ZNF559: variants seen among roughly 807,000 people sequenced by gnomAD.
The protein encoded by ZNF559 is zinc finger protein 559.
ZNF559 carries 17 observed loss-of-function variants against 14.2 expected under a neutral mutation model. The ratio of observed to expected loss-of-function variants is 1.20; its 90% CI spans 0.82 to 1.80. ZNF559 has a LOEUF of 1.80. Among genes scored for constraint, ZNF559 ranks in the 40% most tolerant of loss-of-function variants. The probability of loss-of-function intolerance (pLI) is 0.00; values close to 1 mark genes in which losing one functional copy is unlikely to be tolerated. For synonymous variants in ZNF559, 244 were observed against 212.4 expected (o/e 1.15, Z -1.29); for missense variants, 740 against 629.7 (o/e 1.18, Z -1.88).
rs962400288 is a variant in ZNF559, at chr19:9,343,970, G to A, written c.*902G>A. ...TCTTTAAAACAATTTTAGGCTGGGT[G>A]CAGTGGCTCATTCCTGTAATCCCAG... On this transcript the variant is annotated 3_prime_UTR_variant, in exon 7 of 7. Transcript: ENST00000603380. The A allele has an allele frequency of 1.3e-4, 33 of 260,394 alleles. No homozygotes were observed. The highest frequency in any genetic ancestry group is 1.7e-4 in the Non-Finnish European group (29 of 167,328). The allele number at this position is 260,394 out of a possible 1,614,324, so 16.1% of individuals were successfully genotyped here.
At chr19:9,330,413 TC>T (rs1427007591) in intron 2 of ZNF559, among the ~76,000 whole-genome samples, 1 of 152,184 alleles carries the variant, frequency 6.6e-6, no homozygotes, top group Non-Finnish European at 1.5e-5. Context: ...TCTACTCATT[TC>T]TCTCTCTGCT....
At chr19:9,330,349 G>A (rs899440138) in intron 2 of ZNF559, among the ~76,000 whole-genome samples, 1 of 152,096 alleles carries the variant, frequency 6.6e-6, no homozygotes. Flanking sequence ...ATGAATATGG[G>A]TGCCTCTGTC....
chr19:9,324,095 G>A, upstream of ZNF559: 1 of 1,477,572 alleles, frequency 6.8e-7, no homozygotes. Flanking sequence ...AAAAGCCGCA[G>A]CAGCTGATGG....
chr19:9,342,232 A>G lies in ZNF559; in HGVS notation c.781A>G (p.Arg261Gly). 6.3e-7 allele frequency: 1 copy of G among 1,587,310 alleles called. No individual in the cohort carries two copies. The highest frequency in any genetic ancestry group is 1.4e-5 in the African/African-American group (1 of 73,444). Reference protein sequence around the residue: ...TESSYLTQHLRTHSRVLPIEH... With the variant: ...TESSYLTQHLGTHSRVLPIEH... ...GTCGTCATATCTTACTCAACATTTA[A>G]GAACTCATAGTAGAGTGTTACCTAT... Residue 261 changes from arginine to glycine, a missense_variant, in exon 7 of 7, where the codon AGA (arginine) becomes GGA (glycine). Coordinates refer to ENST00000603380, the MANE Select transcript of ZNF559 (RefSeq NM_032497.3).
chr19:9,328,142 T>C (rs1258546704), intron 2 of ZNF559, among the ~76,000 whole-genome samples: 1 of 152,164 alleles, frequency 6.6e-6, no homozygotes, highest in Non-Finnish European at 1.5e-5. Flanking sequence ...AATAAAGACC[T>C]TGACTCCTAA....
intron 1 of ZNF559, 150 bp downstream of exon 1, chr19:9,324,378 G>C: frequency 6.7e-7 from 1 of 1,490,390 alleles, no homozygotes; most frequent in Non-Finnish European, 8.9e-7. Flanking sequence ...CCCAAGTCGC[G>C]GCCCCTCCTC....
chr19:9,324,656 A>AG, intron 1 of ZNF559, 39 bp from the exon 2 acceptor site: 50 of 1,415,954 alleles, frequency 3.5e-5, no homozygotes, highest in Non-Finnish European at 4.2e-5. Flanking sequence ...AAAAAAAAAA[A>AG]AAGTCTCCAC....
chr19:9,339,197 C>G lies in ZNF559; in HGVS notation c.38C>G (p.Ser13Ter), dbSNP rs1257577633. 4 of 1,613,692 alleles carry G rather than the reference C, an allele frequency of 2.5e-6. No individual in the cohort carries two copies. The highest frequency in any genetic ancestry group is 8.5e-7 in the Non-Finnish European group (1 of 1,179,830). ...AGCATGTGTGTGATGGTTTAGGACTCAGTGACCTTTGAGGATGTGGCTGTG... is the reference window on the plus strand; with the variant it reads ...AGCATGTGTGTGATGGTTTAGGACTGAGTGACCTTTGAGGATGTGGCTGTG... ...AGWLTNYSQD[S>*]VTFEDVAVDF... Residue 13 changes from serine (S) to a stop codon, truncating the protein, a stop_gained, in exon 5 of 7, where the codon TCA becomes TGA. Coordinates refer to ENST00000603380, the MANE Select transcript of ZNF559 (RefSeq NM_032497.3). LOFTEE classifies it high-confidence loss of function.
chr19:9,332,820 T>C (rs763339182), intron 2 of ZNF559, among the ~76,000 whole-genome samples: 17 of 152,224 alleles, frequency 1.1e-4, no homozygotes, highest in Non-Finnish European at 2.4e-4. Flanking sequence ...GCAAAGCTTA[T>C]TATTTAGGTG....
At chr19:9,325,450 G>GA (rs1405464471) in intron 2 of ZNF559, among the ~76,000 whole-genome samples, 9 of 146,942 alleles carry the variant, frequency 6.1e-5, no homozygotes, top group African/African-American at 1.3e-4. Flanking sequence ...TCAAAAAGAA[G>GA]AAAAAAAAAC....
At chr19:9,328,348 C>CTTTTTTT (rs904074002) in intron 2 of ZNF559, among the ~76,000 whole-genome samples, 73 of 60,976 alleles carry the variant, frequency 1.2e-3, no homozygotes, top group Non-Finnish European at 1.3e-3. Context: ...GCTTGTTTGT[C>CTTTTTTT]TTTTTTTTTT....
Position 9,343,032 on chromosome 19 carries a change from C to G in ZNF559, c.1581C>G (p.Thr527=), listed in dbSNP as rs972163813. The G allele has an allele frequency of 1.2e-5, 20 of 1,613,424 alleles. No individual in the cohort carries two copies. Among genetic ancestry groups the G allele is most frequent in the Admixed American group, 3.3e-5 (2 of 59,964 alleles). Residue 527 remains threonine, a synonymous_variant, in exon 7 of 7, where the codon ACC becomes ACG. Transcript: ENST00000603380. The part of the protein sequence containing the change: ...VEKPYKECGQ[T]FSNSSCLTEC... ...AACCATATAAGGAATGTGGGCAAAC[C>G]TTTAGTAATTCCTCATGCCTTACTG...
In ZNF559 at chr19:9,343,670, TC is replaced by T. The variant is rs1476758106; in HGVS notation, c.*603del. On this transcript the variant is annotated 3_prime_UTR_variant, in exon 7 of 7. Transcript: ENST00000603380. Reference sequence around the variant, plus strand: ...GATGTTGGAAAGCCCTTGAACTTGGTCGTTAGGAAACATCCACACTGAAGAG... The same window carrying T: ...GATGTTGGAAAGCCCTTGAACTTGGTGTTAGGAAACATCCACACTGAAGAG... The T allele has an allele frequency of 4.0e-6, 4 of 987,946 alleles. No homozygotes were observed. In the Admixed American group the frequency reaches 2.4e-4, roughly 59 times the overall value. 61.2% of individuals were successfully genotyped at this position (987,946 alleles called of 1,614,324 possible).
chr19:9,339,005 C>T (rs1466126682), intron 4 of ZNF559, among the ~76,000 whole-genome samples, 188 bp from the exon 5 acceptor site: 1 of 152,168 alleles, frequency 6.6e-6, no homozygotes, highest in Non-Finnish European at 1.5e-5. Flanking sequence ...AAGAGGTGCT[C>T]TTCAAGCCAT....
upstream of ZNF559, chr19:9,324,023 T>C (rs2066427022): frequency 1.5e-5 from 12 of 812,946 alleles, no homozygotes; most frequent in South Asian, 1.4e-4. Flanking sequence ...CAAGACCCCC[T>C]ACCGGTGACA....
In ZNF559 at chr19:9,343,319, G is replaced by A; in HGVS notation, c.*251G>A. On this transcript the variant is annotated 3_prime_UTR_variant, in exon 7 of 7. Transcript: ENST00000603380. The stretch of plus-strand genomic sequence containing the variant: ...ATCCTAGGAAACAAACTGAACGTAG[G>A]AAACCTGTCGATGCTTACATCTTAC... The A allele has an allele frequency of 1.6e-6, 2 of 1,261,284 alleles. No individual in the cohort carries two copies. The allele number at this position is 1,261,284 out of a possible 1,614,324, so 78.1% of individuals were successfully genotyped here.
chr19:9,334,365 G>C (rs1213572490), intron 2 of ZNF559, among the ~76,000 whole-genome samples: 1 of 152,122 alleles, frequency 6.6e-6, no homozygotes, highest in African/African-American at 2.4e-5. Flanking sequence ...GGAGCATTTT[G>C]GATTTCAGAT....
intron 2 of ZNF559, among the ~76,000 whole-genome samples, chr19:9,327,801 T>A (rs2066706639): frequency 6.6e-6 from 1 of 152,220 alleles, no homozygotes; most frequent in Non-Finnish European, 1.5e-5. Context: ...GTCATTCGTA[T>A]TGATGCTCAA....
chr19:9,333,635 G>T (rs765859632), intron 2 of ZNF559, among the ~76,000 whole-genome samples: 3 of 152,072 alleles, frequency 2.0e-5, no homozygotes, highest in Non-Finnish European at 4.4e-5. Context: ...GCTGCAGTGA[G>T]CCAAGATTGT....
Sources: gnomAD v4.1 joint callset for allele counts (sites outside exome capture counted in the v4.1 genomes callset) on GRCh38, gnomAD v4.1.1 for gene constraint, MANE v1.5 for transcripts, NCBI Gene and HGNC (gene_info 2026-07-23, HGNC 2026-07-21) for gene names.